Variants in SFI1 observed in about 807,000 individuals in gnomAD.
SFI1 encodes protein SFI1 homolog.
A neutral mutation model predicts 207.5 loss-of-function variants in SFI1; 195 were observed. The observed-to-expected ratio is 0.94, with a 90% CI of 0.84 to 1.06. The LOEUF is 1.06. SFI1 is among the 50% of genes least tolerant of loss of function. The pLI is 0.00. For synonymous variants in SFI1, 630 were observed against 598.9 expected, an observed-to-expected ratio of 1.05 and a Z score of -0.76; for missense variants, 1,634 against 1,588.0, an observed-to-expected ratio of 1.03 and a Z score of -0.49.
intron 15 of SFI1, among the ~76,000 whole-genome samples, chr22:31,596,924 A>G (rs2067213038): frequency 6.7e-6 from 1 of 149,796 alleles, no homozygotes; most frequent in Admixed American, 6.7e-5. Flanking sequence ...CACACACGGT[A>G]CCCGTTTCTA....
At chr22:31,512,876 G>A (rs1469943123) in intron 2 of SFI1, among the ~76,000 whole-genome samples, 5 of 151,910 alleles carry the variant, frequency 3.3e-5, no homozygotes, top group African/African-American at 1.2e-4. Context: ...TTAGTAGAGA[G>A]GGGGTTTCAC....
At chr22:31,500,349 C>G (rs904975748) in intron 1 of SFI1, among the ~76,000 whole-genome samples, 1 of 151,826 alleles carries the variant, frequency 6.6e-6, no homozygotes, top group Admixed American at 6.6e-5. Flanking sequence ...CTACCCTGAT[C>G]AGTCAGCAGC....
chr22:31,514,773 T>G (rs1215606418), intron 2 of SFI1, among the ~76,000 whole-genome samples: 2 of 151,726 alleles, frequency 1.3e-5, no homozygotes, highest in Non-Finnish European at 2.9e-5. Flanking sequence ...CAGAATTTCT[T>G]CCTTTTTTTT....
At chr22:31,576,725 T>C (rs1391560295) in intron 10 of SFI1, among the ~76,000 whole-genome samples, 1 of 151,398 alleles carries the variant, frequency 6.6e-6, no homozygotes, top group East Asian at 1.9e-4. Flanking sequence ...CCACAACCTC[T>C]GCCTTCCGGG....
intron 13 of SFI1, 56 bp from the exon 14 acceptor site, chr22:31,585,012 C>T: frequency 1.3e-6 from 2 of 1,539,762 alleles, no homozygotes; most frequent in Non-Finnish European, 1.8e-6. Flanking sequence ...ATTTACCTGC[C>T]TTAAAACAAA....
intron 22 of SFI1, among the ~76,000 whole-genome samples, chr22:31,608,963 A>G (rs2069566028): frequency 6.6e-6 from 1 of 151,804 alleles, no homozygotes; most frequent in African/African-American, 2.4e-5. Flanking sequence ...CTATGATCAC[A>G]CCACTGCACT....
intron 2 of SFI1, among the ~76,000 whole-genome samples, chr22:31,525,268 A>T (rs12484233): frequency 0.028 from 4,282 of 152,116 alleles, 158 homozygotes; most frequent in Admixed American, 0.079. Context: ...GTAGCTTTCT[A>T]GTTTTGGATC....
In SFI1 at chr22:31,550,093, G is replaced by A. The variant is rs561631852; in HGVS notation, c.450-161G>A. ...ATTATAGACGTGTGCCACCACACCC[G>A]GCACACGGTATTTTTAGTTGAGATG... On this transcript the variant is annotated intron_variant, in intron 5 of 32. Transcript: ENST00000400288. Among the ~76,000 whole-genome samples, 5 of 151,914 alleles carry A rather than the reference G, an allele frequency of 3.3e-5. No homozygotes were observed. The South Asian group carries it at 6.2e-4, about 19-fold the overall frequency.
At chr22:31,592,684 A>C (rs1196380161) in intron 15 of SFI1, among the ~76,000 whole-genome samples, 1 of 56,452 alleles carries the variant, frequency 1.8e-5, no homozygotes, top group Non-Finnish European at 3.4e-5. Context: ...CGGGGGGCTG[A>C]CCCCCCCACC....
intron 2 of SFI1, among the ~76,000 whole-genome samples, chr22:31,522,214 C>T (rs546256470): frequency 7.9e-5 from 12 of 151,722 alleles, no homozygotes; most frequent in African/African-American, 1.5e-4. Flanking sequence ...ATTACAGGCG[C>T]GTGCCACCAT....
intron 4 of SFI1, 86 bp downstream of exon 4, chr22:31,531,215 G>T: frequency 9.1e-7 from 1 of 1,098,378 alleles, no homozygotes; most frequent in South Asian, 1.4e-5. Flanking sequence ...ACTTCATTAT[G>T]GCTTGTGCTG....
At chr22:31,570,198 A>G (rs1465370291) in intron 8 of SFI1, among the ~76,000 whole-genome samples, 2 of 152,198 alleles carry the variant, frequency 1.3e-5, no homozygotes, top group African/African-American at 4.8e-5. Context: ...GTAAGAAGCT[A>G]TTACAAAATT....
intron 2 of SFI1, 145 bp from the exon 3 acceptor site, chr22:31,528,545 T>C (rs1028667106): frequency 5.4e-6 from 4 of 740,614 alleles, no homozygotes; most frequent in Non-Finnish European, 8.7e-6. Flanking sequence ...TTCTGTCAGA[T>C]TGGGCTGCTT....
intron 1 of SFI1, among the ~76,000 whole-genome samples, chr22:31,501,579 C>T: frequency 6.6e-6 from 1 of 152,150 alleles, no homozygotes; most frequent in East Asian, 1.9e-4. Flanking sequence ...GTACTAGTCC[C>T]AGTTCCGCCA....
Position 31,549,390 on chromosome 22 carries a change from C to T in SFI1, c.450-864C>T, listed in dbSNP as rs539595253. On this transcript the variant is annotated intron_variant, in intron 5 of 32. Transcript: ENST00000400288. Reference sequence around the variant, plus strand: ...TTTGAGACAGAGTCTCGGTGTCACCCGGGCTGGAGTGCAGTGGAACAATCT... The same window carrying T: ...TTTGAGACAGAGTCTCGGTGTCACCTGGGCTGGAGTGCAGTGGAACAATCT... Among the ~76,000 whole-genome samples the T allele has an allele frequency of 1.4e-4, 21 of 150,218 alleles. 1 individual carries two copies. In the South Asian group the frequency reaches 3.8e-3, roughly 27 times the overall value.
At chr22:31,513,179 G>C (rs1156557908) in intron 2 of SFI1, among the ~76,000 whole-genome samples, 1 of 151,464 alleles carries the variant, frequency 6.6e-6, no homozygotes, top group Non-Finnish European at 1.5e-5. Flanking sequence ...TTTCTTTTGA[G>C]ACAGGGTCTC....
intron 14 of SFI1, 51 bp from the exon 15 acceptor site, chr22:31,589,396 G>C: frequency 6.9e-7 from 1 of 1,459,278 alleles, no homozygotes; most frequent in Non-Finnish European, 9.1e-7. Flanking sequence ...GAGAGGTCAT[G>C]TTTAAAAAAA....
In SFI1 at chr22:31,503,584, G is replaced by GTT. The variant is rs34588094; in HGVS notation, c.-30-4652_-30-4651dup. 7.8e-3 allele frequency among the ~76,000 whole-genome samples: 735 copies of GTT among 94,492 alleles called. 7 individuals are homozygous for GTT. Among genetic ancestry groups the GTT allele is most frequent in the Non-Finnish European group, 0.012 (602 of 49,480 alleles). The allele number at this position is 94,492 out of a possible 152,430, so 62.0% of individuals were successfully genotyped here. ...TAATAATTTTTGTTTTTCTTGGACTGTTTTTTTTTTTTTTTTTTTTGAGAT... is the reference window on the plus strand; with the variant it reads ...TAATAATTTTTGTTTTTCTTGGACTGTTTTTTTTTTTTTTTTTTTTTTGAGAT... On this transcript the variant is annotated intron_variant, in intron 1 of 32. Coordinates refer to ENST00000400288, the MANE Select transcript of SFI1 (RefSeq NM_001007467.3).
chr22:31,506,108 G>A (rs1601841308), intron 1 of SFI1, among the ~76,000 whole-genome samples: 2 of 67,434 alleles, frequency 3.0e-5, no homozygotes, highest in South Asian at 1.3e-3. Flanking sequence ...GCAGTGCAGT[G>A]GTGTGATCTC....
Sources: allele counts gnomAD v4.1 joint callset (sites outside exome capture counted in the v4.1 genomes callset), GRCh38; gene constraint gnomAD v4.1.1; transcripts MANE v1.5; gene names NCBI Gene and HGNC (gene_info 2026-07-23, HGNC 2026-07-21).